The following NPSR1 variants were observed in gnomAD, a reference collection of about 807,000 sequenced individuals.
NPSR1 encodes the protein neuropeptide S receptor 1.
A neutral mutation model predicts 46.9 loss-of-function variants in NPSR1; 48 were observed. The ratio of observed to expected loss-of-function variants is 1.02; its 90% CI spans 0.81 to 1.30. The LOEUF (loss-of-function observed/expected upper bound fraction) is 1.30. Among genes scored for constraint, NPSR1 ranks in the 50% most tolerant of loss-of-function variants. The pLI is 0.00. For missense variants in NPSR1, 450 were observed against 449.5 expected, an observed-to-expected ratio of 1.00 and a Z score of -0.01; for synonymous variants, 176 against 168.1, an observed-to-expected ratio of 1.05 and a Z score of -0.36.
At chr7:34,659,434 T>C (rs1791345657) in intron 1 of NPSR1, among the ~76,000 whole-genome samples, 1 of 151,956 alleles carries the variant, frequency 6.6e-6, no homozygotes, top group East Asian at 1.9e-4. Context: ...TTGGGTTTTG[T>C]TGTTGTTGTT....
intron 1 of NPSR1, among the ~76,000 whole-genome samples, chr7:34,681,616 T>G (rs1792639580): frequency 1.3e-5 from 2 of 152,160 alleles, no homozygotes; most frequent in African/African-American, 4.8e-5. Flanking sequence ...TAGGGTGGCC[T>G]TAGCCAGAAA....
chr7:34,817,733 C>T (rs899376376), intron 4 of NPSR1, among the ~76,000 whole-genome samples: 11 of 151,910 alleles, frequency 7.2e-5, no homozygotes, highest in African/African-American at 2.4e-4. Flanking sequence ...ATCAAGTCGG[C>T]TTCATCCCCG....
intron 4 of NPSR1, among the ~76,000 whole-genome samples, chr7:34,823,174 T>G (rs1789641718): frequency 6.6e-6 from 1 of 151,984 alleles, no homozygotes; most frequent in Non-Finnish European, 1.5e-5. Context: ...GTGGATCACT[T>G]GAGGTCACAA....
At chr7:34,730,680 C>T (rs1370125073) in intron 2 of NPSR1, among the ~76,000 whole-genome samples, 1 of 152,210 alleles carries the variant, frequency 6.6e-6, no homozygotes, top group African/African-American at 2.4e-5. Context: ...GGCTCATGTG[C>T]ATGACACACC....
chr7:34,762,551 G>C (rs1438888788), intron 2 of NPSR1, among the ~76,000 whole-genome samples: 1 of 152,118 alleles, frequency 6.6e-6, no homozygotes, highest in East Asian at 1.9e-4. Flanking sequence ...GTTTAAAAAA[G>C]AAAAGTAGAA....
At chr7:34,713,423 T>G (rs544851747) in intron 2 of NPSR1, among the ~76,000 whole-genome samples, 1 of 152,298 alleles carries the variant, frequency 6.6e-6, no homozygotes, top group African/African-American at 2.4e-5. Context: ...TCCTCCTTTG[T>G]AGGCCATCAG....
intron 1 of NPSR1, among the ~76,000 whole-genome samples, chr7:34,671,677 A>G (rs1398517167): frequency 6.6e-6 from 1 of 152,204 alleles, no homozygotes; most frequent in African/African-American, 2.4e-5. Context: ...CAAAGCTTGC[A>G]AGAGTAGCAA....
At chr7:34,851,247 G>A (rs1790926084), downstream of NPSR1, among the ~76,000 whole-genome samples, 1 of 147,044 alleles carries the variant, frequency 6.8e-6, no homozygotes, top group South Asian at 2.1e-4. Context: ...TATTTTAATA[G>A]CACTCCATTC....
intron 2 of NPSR1, among the ~76,000 whole-genome samples, chr7:34,693,026 T>G (rs1255519073): frequency 6.6e-6 from 1 of 152,226 alleles, no homozygotes; most frequent in Non-Finnish European, 1.5e-5. Context: ...ACCAGCCTAC[T>G]GCCCTCATGA....
At chr7:34,820,768 A>T (rs1482345777) in intron 4 of NPSR1, among the ~76,000 whole-genome samples, 1 of 152,098 alleles carries the variant, frequency 6.6e-6, no homozygotes, top group Non-Finnish European at 1.5e-5. Context: ...TTAGATTTAA[A>T]TTTTTTCTGG....
intron 2 of NPSR1, chr7:34,711,095 C>A: frequency 3.3e-6 from 1 of 307,196 alleles, no homozygotes; most frequent in South Asian, 3.7e-5. Flanking sequence ...GCTTCTTCGC[C>A]TTTGTCAGAT....
intron 1 of NPSR1, among the ~76,000 whole-genome samples, chr7:34,663,098 G>A (rs116239223): frequency 0.27 from 35,202 of 128,638 alleles, 6,280 homozygotes; most frequent in African/African-American, 0.52. Flanking sequence ...TGTGTGGCGG[G>A]GGGGAGTGGG....
At chr7:34,806,218 G>A (rs1199700975) in intron 3 of NPSR1, among the ~76,000 whole-genome samples, 4 of 152,050 alleles carry the variant, frequency 2.6e-5, no homozygotes, top group Non-Finnish European at 4.4e-5. Context: ...ATCCACAGAA[G>A]AATGTTTATT....
chr7:34,851,892 G>A (rs1790942942), downstream of NPSR1, among the ~76,000 whole-genome samples: 1 of 152,180 alleles, frequency 6.6e-6, no homozygotes. Flanking sequence ...ACAGGTTGCT[G>A]CAGGATAATC....
chr7:34,778,921 C>T (rs35125957), intron 3 of NPSR1, among the ~76,000 whole-genome samples: 11,245 of 152,158 alleles, frequency 0.074, 503 homozygotes, highest in East Asian at 0.12. Context: ...GAACTCAACG[C>T]TGGCTACTGC....
intron 2 of NPSR1, among the ~76,000 whole-genome samples, chr7:34,769,289 A>T (rs1266856731): frequency 6.6e-6 from 1 of 152,172 alleles, no homozygotes; most frequent in East Asian, 1.9e-4. Context: ...GTTATTTAAC[A>T]TACGTTTCTT....
At chr7:34,696,047 G>C (rs323906) in intron 2 of NPSR1, among the ~76,000 whole-genome samples, 18,542 of 140,122 alleles carry the variant, frequency 0.13, 1,241 homozygotes, top group Middle Eastern at 0.19. Context: ...GTCAGGCAAT[G>C]AAGCTCAGTC....
chr7:34,827,713 G>A (rs548589397), intron 5 of NPSR1, 111 bp downstream of exon 5: 2 of 774,986 alleles, frequency 2.6e-6, no homozygotes, highest in South Asian at 1.7e-5. Flanking sequence ...TAGTGCCCTT[G>A]AGGGAACTGA....
chr7:34,778,606 C>A (rs1583999646), intron 3 of NPSR1, 41 bp downstream of exon 3: 1 of 1,238,456 alleles, frequency 8.1e-7, no homozygotes, highest in East Asian at 2.3e-5. Flanking sequence ...AAACTGATAC[C>A]AGAGTTAGCT....
Sources: allele counts gnomAD v4.1 joint callset (sites outside exome capture counted in the v4.1 genomes callset), GRCh38; gene constraint gnomAD v4.1.1; transcripts MANE v1.5; gene names NCBI Gene and HGNC (gene_info 2026-07-23, HGNC 2026-07-21).